The following CERT1 variants were observed in gnomAD, a reference collection of about 807,000 sequenced individuals.
CERT1 encodes the protein ceramide transfer protein.
CERT1 carries 31 observed loss-of-function variants against 87.9 expected under a neutral mutation model. The observed-to-expected ratio is 0.35, with a 90% CI of 0.27 to 0.48. The LOEUF (loss-of-function observed/expected upper bound fraction) is 0.48, where lower values mean the gene tolerates loss of function less well. Ranked by LOEUF, CERT1 falls within the 20% of genes least tolerant of loss-of-function variation. CERT1 has a pLI of 0.99. For missense variants in CERT1, 487 were observed against 758.0 expected (o/e 0.64, Z 4.20); for synonymous variants, 289 against 250.9 (o/e 1.15, Z -1.44).
intron 9 of CERT1, chr5:75,402,290 A>C (rs1286538472): frequency 6.6e-6 from 1 of 152,176 alleles, no homozygotes; most frequent in Non-Finnish European, 1.5e-5. Flanking sequence ...TTTTCATATC[A>C]TACTTGGTGA....
chr5:75,395,193 T>C (rs113737382), intron 11 of CERT1, among the ~76,000 whole-genome samples: 56 of 152,338 alleles, frequency 3.7e-4, no homozygotes, highest in African/African-American at 1.3e-3. Flanking sequence ...TTCTTCCCCT[T>C]TGATTTCTAA....
chr5:75,389,518 CAT>C (rs1314451377), intron 12 of CERT1, 72 bp downstream of exon 12: 5 of 1,088,838 alleles, frequency 4.6e-6, no homozygotes, highest in Non-Finnish European at 7.1e-6. Context: ...TATCCTTATT[CAT>C]ATCAATAGTA....
At chr5:75,465,284 G>A (rs1167824583) in intron 2 of CERT1, among the ~76,000 whole-genome samples, 1 of 152,220 alleles carries the variant, frequency 6.6e-6, no homozygotes, top group African/African-American at 2.4e-5. Context: ...TCACAATGGA[G>A]ATTTGACCCT....
In CERT1 at chr5:75,415,534, C is replaced by G. The variant is rs191170770; in HGVS notation, c.837+1342G>C. On this transcript the variant is annotated intron_variant, in intron 7 of 16. Coordinates refer to ENST00000643780, the MANE Select transcript of CERT1 (RefSeq NM_001379029.1). ...TCAACATGGCAAATAAACTTGAATG[C>G]TAAAATAATCAGGAAGTGGTATATA... Among the ~76,000 whole-genome samples, 3 of 152,004 alleles carry G rather than the reference C, an allele frequency of 2.0e-5. No homozygotes were observed. In the East Asian group the frequency reaches 5.8e-4, roughly 29 times the overall value.
At chr5:75,511,943 C>T (rs1768041469), upstream of CERT1, 1 of 899,778 alleles carries the variant, frequency 1.1e-6, no homozygotes. Context: ...GATCGCTTGT[C>T]CCCTTGGGGC....
chr5:75,435,259 T>C (rs539525071), intron 3 of CERT1, among the ~76,000 whole-genome samples: 2 of 152,336 alleles, frequency 1.3e-5, no homozygotes, highest in South Asian at 4.1e-4. Context: ...GAAATTCCTG[T>C]GGTGAATTTT....
At chr5:75,496,577 G>A (rs1230109446) in intron 2 of CERT1, among the ~76,000 whole-genome samples, 6 of 152,090 alleles carry the variant, frequency 3.9e-5, no homozygotes, top group African/African-American at 1.2e-4. Context: ...ATATATATCC[G>A]TCAACTGGTG....
chr5:75,422,543 G>T (rs543335675), intron 5 of CERT1, among the ~76,000 whole-genome samples: 17 of 152,282 alleles, frequency 1.1e-4, no homozygotes, highest in Non-Finnish European at 2.2e-4. Context: ...CTTGGGCCTG[G>T]GGGGCGGAGG....
chr5:75,486,086 T>C (rs998107782), intron 2 of CERT1, among the ~76,000 whole-genome samples: 2 of 152,106 alleles, frequency 1.3e-5, no homozygotes, highest in African/African-American at 2.4e-5. Context: ...CTGGCGAACA[T>C]TGATACAAAA....
chr5:75,417,834 A>C (rs1257810435), intron 6 of CERT1, among the ~76,000 whole-genome samples: 3 of 152,228 alleles, frequency 2.0e-5, no homozygotes, highest in African/African-American at 4.8e-5. Context: ...TTCTATCCAG[A>C]ATATATGAAG....
downstream of CERT1, chr5:75,374,428 CG>C (rs1452915264): frequency 3.6e-6 from 2 of 552,646 alleles, no homozygotes; most frequent in Non-Finnish European, 6.5e-6. Context: ...GAAAAAAAAA[CG>C]GGAACAGTCC....
Position 75,411,041 on chromosome 5 carries a change from TTTC to T in CERT1, c.897_899del (p.Lys301del), listed in dbSNP as rs1427143564. The T allele has an allele frequency of 3.1e-6, 5 of 1,593,274 alleles. No homozygotes were observed. Among genetic ancestry groups the T allele is most frequent in the Non-Finnish European group, 4.3e-6 (5 of 1,166,956 alleles). On this transcript the variant is annotated inframe_deletion, in exon 8 of 17. Transcript: ENST00000643780. ...AATCTGGTCCTCCAAAGTGGGATTT[TTTC>T]TTAAGTTCTGTCATTGCATTTTTAT... is the stretch of plus-strand genomic sequence containing the variant.
At chr5:75,425,096 C>T (rs1370300910) in intron 5 of CERT1, among the ~76,000 whole-genome samples, 11 of 151,606 alleles carry the variant, frequency 7.3e-5, no homozygotes, top group Non-Finnish European at 1.3e-4. Flanking sequence ...CCAGCCTGGG[C>T]GATAGAATGA....
At chr5:75,385,188 C>T (rs1761735338) in intron 13 of CERT1, among the ~76,000 whole-genome samples, 2 of 152,070 alleles carry the variant, frequency 1.3e-5, no homozygotes, top group Non-Finnish European at 2.9e-5. Context: ...AAGAATAACT[C>T]TAGGCTGGGT....
intron 5 of CERT1, among the ~76,000 whole-genome samples, chr5:75,420,760 T>C (rs1763345366): frequency 2.0e-5 from 3 of 152,206 alleles, no homozygotes; most frequent in Admixed American, 1.3e-4. Context: ...CCACTCATAA[T>C]GCAAATTCCT....
At chr5:75,409,147 C>T (rs1580730067) in intron 8 of CERT1, among the ~76,000 whole-genome samples, 1 of 151,952 alleles carries the variant, frequency 6.6e-6, no homozygotes, top group Admixed American at 6.5e-5. Flanking sequence ...GTTGGTATTT[C>T]TTCCAAAATA....
chr5:75,475,741 A>G (rs911427454), intron 2 of CERT1, among the ~76,000 whole-genome samples: 1 of 151,814 alleles, frequency 6.6e-6, no homozygotes, highest in South Asian at 2.1e-4. Flanking sequence ...CTTTCCTTGG[A>G]ATCAGTATAT....
chr5:75,485,953 C>A (rs1420880848), intron 2 of CERT1, among the ~76,000 whole-genome samples: 1 of 152,056 alleles, frequency 6.6e-6, no homozygotes, highest in Admixed American at 6.6e-5. Flanking sequence ...ACCAATCCTA[C>A]TCAAACTATT....
intron 2 of CERT1, among the ~76,000 whole-genome samples, chr5:75,479,537 G>A (rs1766128366): frequency 6.6e-6 from 1 of 152,100 alleles, no homozygotes; most frequent in Non-Finnish European, 1.5e-5. Context: ...TTATAAATGA[G>A]AACATGTGGT....
Sources: gnomAD v4.1 joint callset for allele counts (sites outside exome capture counted in the v4.1 genomes callset) on GRCh38, gnomAD v4.1.1 for gene constraint, MANE v1.5 for transcripts, NCBI Gene and HGNC (gene_info 2026-07-23, HGNC 2026-07-21) for gene names.